HIP1: variants seen among roughly 807,000 people sequenced by gnomAD.
HIP1 encodes huntingtin-interacting protein 1.
In HIP1, 65 loss-of-function variants were observed where a neutral mutation model predicts 147.6. The observed-to-expected ratio is 0.44, with a 90% CI of 0.36 to 0.54. HIP1 has a LOEUF of 0.54. Ranked by LOEUF, HIP1 falls within the 20% of genes least tolerant of loss-of-function variation. The pLI is 0.00. For missense variants in HIP1, 1,061 were observed against 1,299.6 expected, an observed-to-expected ratio of 0.82 and a Z score of 2.82; for synonymous variants, 479 against 504.0, an observed-to-expected ratio of 0.95 and a Z score of 0.67.
intron 1 of HIP1, among the ~76,000 whole-genome samples, chr7:75,615,686 T>A (rs1328483663): frequency 7.2e-5 from 11 of 151,994 alleles, no homozygotes; most frequent in Non-Finnish European, 1.6e-4. Context: ...AGGTGGAGGA[T>A]CGATTGAGCC....
At chr7:75,624,240 A>T (rs587701714) in intron 1 of HIP1, among the ~76,000 whole-genome samples, 22 of 152,308 alleles carry the variant, frequency 1.4e-4, no homozygotes, top group Admixed American at 7.2e-4. Context: ...GGACCCAGGG[A>T]GTGAGAACAA....
chr7:75,555,649 A>G (rs1794972892), intron 18 of HIP1, 98 bp from the exon 19 acceptor site: 2 of 1,331,698 alleles, frequency 1.5e-6, no homozygotes, highest in South Asian at 2.5e-5. Context: ...AGCTCAAGTC[A>G]TGGCCAATGA....
intron 1 of HIP1, among the ~76,000 whole-genome samples, chr7:75,702,507 G>A (rs1423954193): frequency 2.0e-5 from 3 of 152,194 alleles, no homozygotes; most frequent in Admixed American, 6.5e-5. Flanking sequence ...GCCTCCCAAA[G>A]TGCTGGGATT....
chr7:75,544,830 T>C (rs781997589), intron 26 of HIP1, 30 bp from the exon 27 acceptor site: 4 of 1,385,722 alleles, frequency 2.9e-6, no homozygotes, highest in Non-Finnish European at 4.1e-6. Flanking sequence ...GGGACTAGGT[T>C]ACGGGCAAAT....
chr7:75,540,204 G>C (rs1794251886), intron 29 of HIP1, among the ~76,000 whole-genome samples: 1 of 152,096 alleles, frequency 6.6e-6, no homozygotes, highest in Non-Finnish European at 1.5e-5. Flanking sequence ...AACGTGGGTG[G>C]ATCACCTGGG....
intron 1 of HIP1, among the ~76,000 whole-genome samples, chr7:75,708,254 T>C (rs570660214): frequency 6.6e-6 from 1 of 152,344 alleles, no homozygotes; most frequent in Non-Finnish European, 1.5e-5. Context: ...ATATTAATCC[T>C]TTATCAGATA....
chr7:75,594,550 C>T (rs1410633316), intron 2 of HIP1, among the ~76,000 whole-genome samples: 1 of 152,024 alleles, frequency 6.6e-6, no homozygotes, highest in Non-Finnish European at 1.5e-5. Flanking sequence ...CCGAGGTGGG[C>T]AGATCACGAG....
intron 1 of HIP1, among the ~76,000 whole-genome samples, chr7:75,667,093 CTG>C (rs797038382): frequency 8.3e-4 from 127 of 152,116 alleles, no homozygotes; most frequent in African/African-American, 2.9e-3. Context: ...ATTTTTAAAA[CTG>C]TTTTTCTAGA....
At chr7:75,545,008 T>C in intron 26 of HIP1, 80 bp downstream of exon 26, 1 of 911,444 alleles carries the variant, frequency 1.1e-6, no homozygotes, top group Non-Finnish European at 1.8e-6. Context: ...CAGATTTTTT[T>C]TTCCCTCCTT....
At chr7:75,630,972 T>C (rs938684815) in intron 1 of HIP1, among the ~76,000 whole-genome samples, 1 of 152,136 alleles carries the variant, frequency 6.6e-6, no homozygotes, top group Non-Finnish European at 1.5e-5. Flanking sequence ...CTTATTTTTT[T>C]AGACAGGGTC....
intron 1 of HIP1, among the ~76,000 whole-genome samples, chr7:75,624,487 G>A (rs1313028634): frequency 6.6e-6 from 1 of 152,122 alleles, no homozygotes; most frequent in Non-Finnish European, 1.5e-5. Flanking sequence ...GGCCGTGGGG[G>A]AGTCATCCAA....
chr7:75,694,798 C>T (rs782797635), intron 1 of HIP1, among the ~76,000 whole-genome samples: 1 of 152,000 alleles, frequency 6.6e-6, no homozygotes, highest in Non-Finnish European at 1.5e-5. Context: ...GCATGAGCCA[C>T]CATGCCCGGC....
chr7:75,633,091 C>T (rs587624224), intron 1 of HIP1, among the ~76,000 whole-genome samples: 35 of 152,168 alleles, frequency 2.3e-4, no homozygotes. Context: ...GTGCAGCAAA[C>T]CAGCATGGCA....
At chr7:75,617,675 C>T (rs1319065180) in intron 1 of HIP1, among the ~76,000 whole-genome samples, 1 of 152,216 alleles carries the variant, frequency 6.6e-6, no homozygotes, top group Non-Finnish European at 1.5e-5. Flanking sequence ...GAGACTCGGA[C>T]ACCAGGCCTT....
chr7:75,582,015 G>T, intron 6 of HIP1, 60 bp downstream of exon 6: 1 of 1,362,572 alleles, frequency 7.3e-7, no homozygotes, highest in Non-Finnish European at 1.0e-6. Context: ...ACCCTTATGA[G>T]AAGTGTCAGC....
At chr7:75,704,695 G>A (rs912237522) in intron 1 of HIP1, among the ~76,000 whole-genome samples, 2 of 151,914 alleles carry the variant, frequency 1.3e-5, no homozygotes, top group South Asian at 2.1e-4. Context: ...CGATCCTCCC[G>A]TCTCAGTAGC....
chr7:75,716,052 G>T (rs140366235), intron 1 of HIP1, among the ~76,000 whole-genome samples: 2,341 of 152,042 alleles, frequency 0.015, 30 homozygotes, highest in Non-Finnish European at 0.025. Flanking sequence ...CATTCATGAG[G>T]GATCCGCCCC....
At chr7:75,684,734 A>G (rs1305848454) in intron 1 of HIP1, among the ~76,000 whole-genome samples, 1 of 152,180 alleles carries the variant, frequency 6.6e-6, no homozygotes, top group Non-Finnish European at 1.5e-5. Flanking sequence ...AATAATCCTG[A>G]TCATACATCC....
At chr7:75,639,027 G>A (rs1397687541) in intron 1 of HIP1, 5 of 968,908 alleles carry the variant, frequency 5.2e-6, no homozygotes, top group Admixed American at 1.2e-4. Context: ...GGGGGCTCGG[G>A]GCAAAGCCCC....
Sources: allele counts gnomAD v4.1 joint callset (sites outside exome capture counted in the v4.1 genomes callset), GRCh38; gene constraint gnomAD v4.1.1; transcripts MANE v1.5; gene names NCBI Gene and HGNC (gene_info 2026-07-23, HGNC 2026-07-21).